The following DNAH3 variants were observed in gnomAD, a reference collection of about 807,000 sequenced individuals.
DNAH3 encodes the protein dynein axonemal heavy chain 3, also known as axonemal beta dynein heavy chain 3.
A neutral mutation model predicts 432.5 loss-of-function variants in DNAH3; 332 were observed. The observed-to-expected ratio is 0.77, with a 90% CI of 0.70 to 0.84. The LOEUF is 0.84. DNAH3 is among the 40% of genes least tolerant of loss of function. DNAH3 has a pLI of 0.00. For missense variants in DNAH3, 4,861 were observed against 5,114.0 expected, an observed-to-expected ratio of 0.95 and a Z score of 1.51; for synonymous variants, 1,956 against 1,900.2, an observed-to-expected ratio of 1.03 and a Z score of -0.76.
intron 22 of DNAH3, 85 bp from the exon 23 acceptor site, chr16:21,069,679 T>A: frequency 8.5e-7 from 1 of 1,174,810 alleles, no homozygotes; most frequent in Non-Finnish European, 1.2e-6. Flanking sequence ...GATGGAGCCG[T>A]ACATTTATTC....
chr16:20,998,040 A>G (rs992567769), intron 43 of DNAH3, among the ~76,000 whole-genome samples: 1 of 152,100 alleles, frequency 6.6e-6, no homozygotes, highest in African/African-American at 2.4e-5. Context: ...CGAGAAAAAC[A>G]AAAAGAAAAC....
rs1261681198 is a variant in DNAH3, at chr16:21,134,363, AG to A, written c.977del (p.Pro326LeufsTer22). 6.2e-7 allele frequency: 1 copy of A among 1,614,210 alleles called. No homozygotes were observed. On this transcript the variant is annotated frameshift_variant, in exon 7 of 62. Transcript: ENST00000261383. LOFTEE classifies it high-confidence loss of function. ...TCCTGTAGACACTGTGCCAGGGCACAGGGGCCCGGATCACTCTTTGAGGAAA... is the reference window on the plus strand; with the variant it reads ...TCCTGTAGACACTGTGCCAGGGCACAGGGCCCGGATCACTCTTTGAGGAAA...
intron 41 of DNAH3, 91 bp from the exon 42 acceptor site, chr16:21,003,298 A>T: frequency 2.5e-6 from 2 of 803,102 alleles, no homozygotes; most frequent in South Asian, 3.3e-5. Flanking sequence ...AGTTATCAGC[A>T]TATGAAAATG....
At chr16:21,120,258 C>T (rs1050212162) in intron 11 of DNAH3, among the ~76,000 whole-genome samples, 5 of 151,976 alleles carry the variant, frequency 3.3e-5, no homozygotes, top group African/African-American at 7.3e-5. Flanking sequence ...CGTGTGCCAC[C>T]ACCCCAGCTA....
At chr16:20,949,648 T>C (rs1435941281) in intron 56 of DNAH3, among the ~76,000 whole-genome samples, 2 of 152,120 alleles carry the variant, frequency 1.3e-5, no homozygotes, top group African/African-American at 4.8e-5. Flanking sequence ...GCAGTAACAG[T>C]GGTTGGAGCC....
intron 51 of DNAH3, among the ~76,000 whole-genome samples, chr16:20,973,254 CT>C (rs374055192): frequency 2.0e-5 from 3 of 149,494 alleles, no homozygotes; most frequent in East Asian, 3.9e-4. Flanking sequence ...GTCTGTCATT[CT>C]TTTTTTTTTC....
chr16:20,943,038 C>T (rs1273945851), intron 58 of DNAH3, among the ~76,000 whole-genome samples: 2 of 151,776 alleles, frequency 1.3e-5, no homozygotes, highest in Non-Finnish European at 2.9e-5. Context: ...ATCCTCCTGC[C>T]GCAGCCCCCT....
intron 31 of DNAH3, among the ~76,000 whole-genome samples, chr16:21,047,707 C>T (rs1171665593): frequency 3.9e-5 from 6 of 152,078 alleles, no homozygotes; most frequent in African/African-American, 9.7e-5. Flanking sequence ...AGCTTTGTTC[C>T]GTTGCTGGTG....
chr16:20,984,390 G>A (rs774782898), intron 48 of DNAH3, among the ~76,000 whole-genome samples: 1 of 152,124 alleles, frequency 6.6e-6, no homozygotes, highest in Non-Finnish European at 1.5e-5. Flanking sequence ...ATGGAGATAA[G>A]AGAGTGGATA....
intron 12 of DNAH3, among the ~76,000 whole-genome samples, chr16:21,114,075 A>G (rs769807470): frequency 6.6e-6 from 1 of 152,264 alleles, no homozygotes; most frequent in Non-Finnish European, 1.5e-5. Flanking sequence ...AATGGAACAT[A>G]TAACAATATA....
chr16:21,049,064 G>T (rs1220769480), intron 31 of DNAH3, among the ~76,000 whole-genome samples: 1 of 151,760 alleles, frequency 6.6e-6, no homozygotes, highest in East Asian at 1.9e-4. Context: ...CGGCATCAAA[G>T]CTCACTTCAG....
chr16:21,055,901 A>T (rs2090116261), intron 27 of DNAH3, among the ~76,000 whole-genome samples: 1 of 151,754 alleles, frequency 6.6e-6, no homozygotes, highest in Non-Finnish European at 1.5e-5. Flanking sequence ...ACACACCATC[A>T]CTCCTGGCTA....
chr16:21,034,658 C>T (rs1205074179), intron 35 of DNAH3, among the ~76,000 whole-genome samples: 1 of 152,204 alleles, frequency 6.6e-6, no homozygotes, highest in Non-Finnish European at 1.5e-5. Flanking sequence ...CTCCTTTAGA[C>T]TGTGACTCCC....
chr16:21,008,517 G>A (rs931021179), intron 41 of DNAH3, among the ~76,000 whole-genome samples: 4 of 152,048 alleles, frequency 2.6e-5, no homozygotes, highest in Non-Finnish European at 4.4e-5. Flanking sequence ...CCCCACTCCC[G>A]AAGGATTCAC....
exon 23 of DNAH3, chr16:21,069,469 C>T: frequency 6.2e-7 from 1 of 1,614,140 alleles, no homozygotes; most frequent in Non-Finnish European, 8.5e-7. Context: ...ATTTCCTCCC[C>T]TCTTCTGGCA....
chr16:21,082,412 C>T (rs928394983), intron 19 of DNAH3, among the ~76,000 whole-genome samples: 12 of 152,082 alleles, frequency 7.9e-5, no homozygotes, highest in Admixed American at 4.6e-4. Flanking sequence ...ATGTTTTCCA[C>T]GCTGGTCTTG....
chr16:20,976,870 G>A (rs552136982), intron 50 of DNAH3, among the ~76,000 whole-genome samples: 3 of 152,178 alleles, frequency 2.0e-5, no homozygotes, highest in Non-Finnish European at 2.9e-5. Flanking sequence ...TCTTGATCTT[G>A]AACTTCCCAG....
At chr16:21,025,559 A>T (rs1390537323) in intron 38 of DNAH3, among the ~76,000 whole-genome samples, 1 of 149,752 alleles carries the variant, frequency 6.7e-6, no homozygotes, top group African/African-American at 2.4e-5. Context: ...AGATATAATT[A>T]CATTATTACA....
chr16:21,087,089 G>A, intron 18 of DNAH3, 29 bp from the exon 19 acceptor site: 1 of 1,573,880 alleles, frequency 6.4e-7, no homozygotes, highest in Non-Finnish European at 8.7e-7. Flanking sequence ...GGAAAGGTCA[G>A]ACCATCATGT....
Sources: gnomAD v4.1 joint callset for allele counts (sites outside exome capture counted in the v4.1 genomes callset) on GRCh38, gnomAD v4.1.1 for gene constraint, MANE v1.5 for transcripts, NCBI Gene and HGNC (gene_info 2026-07-23, HGNC 2026-07-21) for gene names.